TNKS1BP1: variants seen among roughly 807,000 people sequenced by gnomAD.
The protein encoded by TNKS1BP1 is 182 kDa tankyrase-1-binding protein.
TNKS1BP1 carries 48 observed loss-of-function variants against 141.1 expected under a neutral mutation model. The observed-to-expected ratio is 0.34, with a 90% confidence interval of 0.27 to 0.43. The LOEUF is 0.43. Ranked by LOEUF, TNKS1BP1 falls within the 20% of genes least tolerant of loss-of-function variation. The probability of loss-of-function intolerance (pLI) is 1.00; values close to 1 mark genes in which losing one functional copy is unlikely to be tolerated. For synonymous variants in TNKS1BP1, 875 were observed against 898.2 expected, an observed-to-expected ratio of 0.97 and a Z score of 0.46; for missense variants, 2,149 against 2,226.0, an observed-to-expected ratio of 0.97 and a Z score of 0.70.
chr11:57,311,489 G>GC lies in TNKS1BP1; in HGVS notation c.2155-934dup, dbSNP rs985153244. 6.1e-6 allele frequency: 6 copies of GC among 985,332 alleles called. No homozygotes were observed. The Admixed American group carries it at 2.5e-4, about 40-fold the overall frequency. 61.0% of individuals were successfully genotyped at this position (985,332 alleles called of 1,614,324 possible). ...CTGGCGCTGGCTCTCCCTCACCCTGGCCCTGCTCCCTCCGGAGCAGCTGCA... is the reference window on the plus strand; with the variant it reads ...CTGGCGCTGGCTCTCCCTCACCCTGGCCCCTGCTCCCTCCGGAGCAGCTGCA... On this transcript the variant is annotated intron_variant, in intron 5 of 11. Coordinates refer to ENST00000358252, the MANE Select transcript of TNKS1BP1 (RefSeq NM_033396.3).
chr11:57,317,739 G>A (rs10896604), intron 4 of TNKS1BP1, 79 bp downstream of exon 4: 143,567 of 1,396,638 alleles, frequency 0.1, 7,935 homozygotes, highest in Non-Finnish European at 0.12. Flanking sequence ...TGAACTACAA[G>A]GAGTAGAAAA....
chr11:57,312,952 G>C lies in TNKS1BP1; in HGVS notation c.1736C>G (p.Pro579Arg). The part of the protein sequence containing the change: ...LEPLPTTEGT[P>R]GLPLQQAEER... ...CTCTGCCTGCTGCAAAGGTAATCCA[G>C]GTGTGCCCTCAGTTGTAGGCAGGGG... The change falls in exon 5 of 12, where the codon CCT (proline) becomes CGT (arginine). Residue 579 changes from proline to arginine, a missense_variant. Physicochemically the swap from Pro to Arg is moderately radical, Grantham distance 103 (BLOSUM62 -2). Transcript: ENST00000358252. 1 of 1,613,846 alleles carries C rather than the reference G, an allele frequency of 6.2e-7. No individual in the cohort carries two copies. Among genetic ancestry groups the C allele is most frequent in the Non-Finnish European group, 8.5e-7 (1 of 1,179,966 alleles).
In TNKS1BP1 at chr11:57,309,195, C is replaced by A. The variant is rs973079434; in HGVS notation, c.3516G>T (p.Val1172=). 6 of 1,614,106 alleles carry A rather than the reference C, an allele frequency of 3.7e-6. No individual in the cohort carries two copies. In the Admixed American group the frequency reaches 5.0e-5, roughly 13 times the overall value. ...TDQLGLRNLE[V]SSCVGSGGSS... is the part of the protein sequence containing the mutation. Reference sequence around the variant, plus strand: ...AGCCCCCAGAACCCACACAGCTGGACACTTCCAAGTTCCTGAGACCCAGCT... The same window carrying A: ...AGCCCCCAGAACCCACACAGCTGGAAACTTCCAAGTTCCTGAGACCCAGCT... The change falls in exon 6 of 12, where the codon GTG becomes GTT. Residue 1172 remains valine, a synonymous_variant. Coordinates refer to ENST00000358252, the MANE Select transcript of TNKS1BP1 (RefSeq NM_033396.3). This position sits in a 1 kb window ranked among gnomAD's most constrained non-coding sequence, Gnocchi z 4.3.
In TNKS1BP1 at chr11:57,309,974, C is replaced by T; in HGVS notation, c.2737G>A (p.Asp913Asn). Reference sequence around the variant, plus strand: ...TGGCTGCTGTACCTACCATGGTGGTCCCTCTTCCCCAAATCTTGGCCCTGC... The same window carrying T: ...TGGCTGCTGTACCTACCATGGTGGTTCCTCTTCCCCAAATCTTGGCCCTGC... ...NEQGQDLGKR[D>N]HHGRYSSQDA... Residue 913 changes from aspartate to asparagine, a missense_variant, in exon 6 of 12, where the codon GAC (aspartate) becomes AAC (asparagine). Physicochemically the swap from Asp to Asn is conservative, Grantham distance 23. Transcript: ENST00000358252. The surrounding 1 kb of genome is among the most constrained non-coding windows in gnomAD (Gnocchi z 4.3). The T allele has an allele frequency of 6.2e-7, 1 of 1,614,092 alleles. No individual in the cohort carries two copies. The highest frequency in any genetic ancestry group is 8.5e-7 in the Non-Finnish European group (1 of 1,179,948).
Position 57,308,737 on chromosome 11 carries a change from T to C in TNKS1BP1, c.3974A>G (p.Asp1325Gly), listed in dbSNP as rs777433676. 1 of 1,613,674 alleles carries C rather than the reference T, an allele frequency of 6.2e-7. No individual in the cohort carries two copies. Among genetic ancestry groups the C allele is most frequent in the Admixed American group, 1.7e-5 (1 of 60,008 alleles). ...CCCCTGAGAACCTCCAGAGTCTGGG[T>C]CACAGGTCACCTCCAAATCCCTCAG... ...LGLRDLEVTC[D>G]PDSGGSQGLR... is the part of the protein sequence containing the mutation. Residue 1325 changes from aspartate (D) to glycine (G), a missense_variant, in exon 6 of 12, where the codon GAC (aspartate) becomes GGC (glycine). Transcript: ENST00000358252.
chr11:57,308,990 C>T lies in TNKS1BP1; in HGVS notation c.3721G>A (p.Val1241Ile), dbSNP rs144018028. Residue 1241 changes from valine (V) to isoleucine (I), a missense_variant, in exon 6 of 12, where the codon GTC becomes ATC. By Grantham distance (29) the Val-to-Ile change is conservative. Transcript: ENST00000358252. ...VNVKSKDLAE[V>I]GEGGGHSQAR... ...TGGCTGTGGCCTCCTCCCTCCCCGA[C>T]CTCAGCCAAATCTTTGCTCTTCACA... 3.7e-5 allele frequency: 59 copies of T among 1,614,186 alleles called. No homozygotes were observed. Among genetic ancestry groups the T allele is most frequent in the Non-Finnish European group, 4.7e-5 (56 of 1,180,028 alleles).
chr11:57,309,948 C>G lies in TNKS1BP1; in HGVS notation c.2763G>C (p.Gln921His). The G allele has an allele frequency of 6.2e-7, 1 of 1,614,226 alleles. No individual in the cohort carries two copies. The highest frequency in any genetic ancestry group is 8.5e-7 in the Non-Finnish European group (1 of 1,180,050). ...KRDHHGRYSS[Q>H]DADEQDWEFQ... is the part of the protein sequence containing the mutation. ...ACTCCCAGTCCTGCTCATCGGCATC[C>G]TGGCTGCTGTACCTACCATGGTGGT... The change falls in exon 6 of 12, where the codon CAG becomes CAC. Residue 921 changes from glutamine to histidine, a missense_variant. Coordinates refer to ENST00000358252, the MANE Select transcript of TNKS1BP1 (RefSeq NM_033396.3). This position sits in a 1 kb window ranked among gnomAD's most constrained non-coding sequence, Gnocchi z 4.3.
chr11:57,316,506 A>G (rs937997974), intron 4 of TNKS1BP1, among the ~76,000 whole-genome samples: 3 of 151,868 alleles, frequency 2.0e-5, no homozygotes, highest in South Asian at 2.1e-4. Flanking sequence ...AACTCCTCCC[A>G]TCTCCCCCGA....
intron 5 of TNKS1BP1, chr11:57,311,441 G>C: frequency 4.1e-6 from 4 of 985,728 alleles, no homozygotes; most frequent in South Asian, 4.7e-5. Flanking sequence ...GCTGCTACCC[G>C]CGCTGGGACC....
At chr11:57,305,976 G>C (rs1374599303) in intron 6 of TNKS1BP1, among the ~76,000 whole-genome samples, 1 of 152,174 alleles carries the variant, frequency 6.6e-6, no homozygotes, top group Admixed American at 6.5e-5. Flanking sequence ...TCTTTAAAGA[G>C]AAAGTGCCCA....
intron 4 of TNKS1BP1, among the ~76,000 whole-genome samples, chr11:57,316,107 C>T (rs1419448039): frequency 6.6e-6 from 1 of 152,200 alleles, no homozygotes; most frequent in Non-Finnish European, 1.5e-5. Context: ...TTCTCCTTTA[C>T]CTTGCCACCT....
chr11:57,315,926 G>A lies in TNKS1BP1; in HGVS notation c.798+1892C>T, dbSNP rs564191932. On this transcript the variant is annotated intron_variant, in intron 4 of 11. Coordinates refer to ENST00000358252, the MANE Select transcript of TNKS1BP1 (RefSeq NM_033396.3). ...GATCATTTCCATCAGCACACAAACTGCTCTAATTTCTTCTGTCTTGAAAAG... is the reference window on the plus strand; with the variant it reads ...GATCATTTCCATCAGCACACAAACTACTCTAATTTCTTCTGTCTTGAAAAG... Among the ~76,000 whole-genome samples the A allele has an allele frequency of 4.5e-4, 68 of 151,536 alleles. 2 individuals are homozygous for A. In the South Asian group the frequency reaches 0.014, roughly 31 times the overall value.
In TNKS1BP1 at chr11:57,320,647, G is replaced by T; in HGVS notation, c.160C>A (p.Pro54Thr). Residue 54 changes from proline (P) to threonine (T), a missense_variant, in exon 3 of 12, where the codon CCT becomes ACT. By Grantham distance (38) the Pro-to-Thr change is conservative (BLOSUM62 -1). Transcript: ENST00000358252. Reference sequence around the variant, plus strand: ...GGCACCAGCAGGCTGGGTTTGGCAGGCAGGGCTGGCTTGGCAGGCAGGGCC... The same window carrying T: ...GGCACCAGCAGGCTGGGTTTGGCAGTCAGGGCTGGCTTGGCAGGCAGGGCC... ...PRALPAKPAL[P>T]AKPSLLVPVG... 6.2e-7 allele frequency: 1 copy of T among 1,611,066 alleles called. No individual in the cohort carries two copies. Among genetic ancestry groups the T allele is most frequent in the Non-Finnish European group, 8.5e-7 (1 of 1,178,334 alleles).
In TNKS1BP1 at chr11:57,320,690, AG is replaced by A; in HGVS notation, c.116del (p.Pro39LeufsTer43). The A allele has an allele frequency of 6.2e-7, 1 of 1,601,950 alleles. No homozygotes were observed. Among genetic ancestry groups the A allele is most frequent in the Non-Finnish European group, 8.5e-7 (1 of 1,174,232 alleles). The part of the protein sequence containing the change: ...SEPGDTRAKP[P>X]VKPKPRALPA... ...GCAGGGCCCGGGGTTTGGGCTTGAC[AG>A]GGGGTTTGGCCCGAGTGTCACCTAC... On this transcript the variant is annotated frameshift_variant, in exon 3 of 12. Coordinates refer to ENST00000358252, the MANE Select transcript of TNKS1BP1 (RefSeq NM_033396.3). LOFTEE classifies it high-confidence loss of function.
chr11:57,308,434 G>A lies in TNKS1BP1; in HGVS notation c.4277C>T (p.Pro1426Leu). ...SSSLEPHPAD[P>L]GMETGEALSF... The stretch of plus-strand genomic sequence containing the variant: ...GAGGGCTTCTCCTGTCTCCATTCCA[G>A]GGTCTGCAGGGTGTGGCTCCAAGGA... The change falls in exon 6 of 12, where the codon CCT (proline) becomes CTT (leucine). Residue 1426 changes from proline (P) to leucine (L), a missense_variant. Transcript: ENST00000358252. 3 of 1,614,078 alleles carry A rather than the reference G, an allele frequency of 1.9e-6. No individual in the cohort carries two copies. The highest frequency in any genetic ancestry group is 1.1e-5 in the South Asian group (1 of 91,078).
chr11:57,318,937 G>A (rs1855838337), intron 3 of TNKS1BP1, among the ~76,000 whole-genome samples: 1 of 152,188 alleles, frequency 6.6e-6, no homozygotes. Flanking sequence ...GAGGTCAGGA[G>A]ATCGAGACCA....
chr11:57,312,386 C>T lies in TNKS1BP1; in HGVS notation c.2154+148G>A, dbSNP rs150756803. ...ACACACACCGTCCTGTGTGGCTCTG[C>T]AGAGCTACAATCTGCAGGTCCACAG... On this transcript the variant is annotated intron_variant, in intron 5 of 11. Coordinates refer to ENST00000358252, the MANE Select transcript of TNKS1BP1 (RefSeq NM_033396.3). The T allele has an allele frequency of 7.9e-4, 651 of 819,836 alleles. 7 individuals are homozygous for T. In the East Asian group the frequency reaches 0.018, roughly 23 times the overall value. 50.8% of individuals were successfully genotyped at this position (819,836 alleles called of 1,614,324 possible). A position where few individuals can be genotyped will look rare whatever the true frequency, so the allele number is the denominator to read the frequency against.
At position 57,302,189 on chromosome 11, in the gene TNKS1BP1, G is replaced by C; in HGVS notation, c.4719C>G (p.Ser1573Arg). ...TEILDSAMYR[S>R]RANLGRKRGH... ...CACGCTTGCGCCCCAAGTTGGCACGGCTCCGATACATGGCACTGTCGAGGA... is the reference window on the plus strand; with the variant it reads ...CACGCTTGCGCCCCAAGTTGGCACGCCTCCGATACATGGCACTGTCGAGGA... The change falls in exon 8 of 12, where the codon AGC becomes AGG. Residue 1573 changes from serine to arginine, a missense_variant. By Grantham distance (110) the Ser-to-Arg change is moderately radical. Transcript: ENST00000358252. The surrounding 1 kb of genome is among the most constrained non-coding windows in gnomAD (Gnocchi z 5.5). 6.2e-7 allele frequency: 1 copy of C among 1,613,034 alleles called. No individual in the cohort carries two copies. Among genetic ancestry groups the C allele is most frequent in the Non-Finnish European group, 8.5e-7 (1 of 1,179,902 alleles).
intron 9 of TNKS1BP1, 136 bp from the exon 10 acceptor site, chr11:57,301,177 G>T: frequency 1.1e-6 from 1 of 941,998 alleles, no homozygotes; most frequent in Non-Finnish European, 1.5e-6. Context: ...CACCCCAAAG[G>T]ATGGGAAGTC....
Sources: gnomAD v4.1 joint callset for allele counts (sites outside exome capture counted in the v4.1 genomes callset) on GRCh38, gnomAD v4.1.1 for gene constraint, Gnocchi (gnomAD v3.1) non-coding constraint, MANE v1.5 for transcripts, NCBI Gene and HGNC (gene_info 2026-07-23, HGNC 2026-07-21) for gene names.